RBFOX1: variants seen among roughly 807,000 people sequenced by gnomAD.
RBFOX1 encodes RNA binding fox-1 homolog 1, also known as RNA binding protein fox-1 homolog 1.
A neutral mutation model predicts 57.7 loss-of-function variants in RBFOX1; 8 were observed. The ratio of observed to expected loss-of-function variants is 0.14; its 90% CI spans 0.08 to 0.25. The LOEUF is 0.25. Ranked by LOEUF, RBFOX1 falls within the 10% of genes least tolerant of loss-of-function variation. The probability of loss-of-function intolerance (pLI) is 1.00; values close to 1 mark genes in which losing one functional copy is unlikely to be tolerated. For missense variants in RBFOX1, 611 were observed against 548.5 expected, an observed-to-expected ratio of 1.11 and a Z score of -1.14; for synonymous variants, 326 against 222.4, an observed-to-expected ratio of 1.47 and a Z score of -4.15.
At chr16:6,440,651 A>T (rs2094356928) in intron 2 of RBFOX1, among the ~76,000 whole-genome samples, 1 of 152,068 alleles carries the variant, frequency 6.6e-6, no homozygotes, top group Admixed American at 6.6e-5. Context: ...AAGTACAAAA[A>T]TTAGCTGGGT....
Position 6,085,899 on chromosome 16 carries a change from G to A in RBFOX1, c.-127+65907G>A, listed in dbSNP as rs561243921. ...ACATAGGTAAACGTGTGCTGTGGTG[G>A]TTTGCTGCACCTATTAACCCGTCAC... On this transcript the variant is annotated intron_variant, in intron 1 of 15. Transcript: ENST00000550418. Among the ~76,000 whole-genome samples the A allele has an allele frequency of 1.4e-3, 206 of 152,180 alleles. 1 individual carries two copies. The highest frequency in any genetic ancestry group is 4.8e-3 in the African/African-American group (198 of 41,512).
intron 4 of RBFOX1, among the ~76,000 whole-genome samples, chr16:7,485,536 C>G (rs887949022): frequency 9.9e-5 from 15 of 152,174 alleles, no homozygotes; most frequent in African/African-American, 3.6e-4. Flanking sequence ...GAGGATGTGG[C>G]CTTTGTCTTG....
At chr16:6,948,069 A>G (rs956656501) in intron 3 of RBFOX1, among the ~76,000 whole-genome samples, 8 of 152,254 alleles carry the variant, frequency 5.3e-5, no homozygotes, top group African/African-American at 1.7e-4. Flanking sequence ...ATCAGCCACC[A>G]TGGCCTGGCC....
intron 1 of RBFOX1, among the ~76,000 whole-genome samples, chr16:6,262,473 T>G (rs1053974465): frequency 6.6e-6 from 1 of 152,168 alleles, no homozygotes; most frequent in East Asian, 1.9e-4. Context: ...AATATGACAC[T>G]GTTTGCCTCA....
chr16:5,764,722 T>A (rs553420070), intron 3 of RBFOX1, among the ~76,000 whole-genome samples: 1 of 152,164 alleles, frequency 6.6e-6, no homozygotes, highest in Non-Finnish European at 1.5e-5. Context: ...AAACATAACC[T>A]GAGCTTCAGT....
chr16:5,401,719 T>G (rs773483955), intron 1 of RBFOX1, among the ~76,000 whole-genome samples: 5 of 148,504 alleles, frequency 3.4e-5, no homozygotes, highest in African/African-American at 5.0e-5. Context: ...TGATTTCTTG[T>G]TAGTATTTTC....
chr16:7,179,133 G>A (rs2082212453), intron 4 of RBFOX1, among the ~76,000 whole-genome samples: 2 of 152,064 alleles, frequency 1.3e-5, no homozygotes, highest in South Asian at 2.1e-4. Context: ...GAGGCATCCG[G>A]AGGGGTTAAT....
intron 3 of RBFOX1, among the ~76,000 whole-genome samples, chr16:6,863,541 T>G (rs1380056526): frequency 6.6e-6 from 1 of 151,972 alleles, no homozygotes; most frequent in Non-Finnish European, 1.5e-5. Flanking sequence ...AATTATTTTC[T>G]GGTTACATAG....
chr16:6,516,365 A>G (rs1457859983), intron 2 of RBFOX1, among the ~76,000 whole-genome samples: 4 of 152,218 alleles, frequency 2.6e-5, no homozygotes, highest in Admixed American at 2.6e-4. Flanking sequence ...TGTAAAATGG[A>G]CATAGGCTTC....
intron 3 of RBFOX1, among the ~76,000 whole-genome samples, chr16:6,709,850 C>T (rs991682896): frequency 2.6e-5 from 4 of 152,192 alleles, no homozygotes; most frequent in South Asian, 4.2e-4. Flanking sequence ...GGTACACAAC[C>T]GGAAGGTATG....
At chr16:5,391,226 A>G (rs2066398934) in intron 1 of RBFOX1, among the ~76,000 whole-genome samples, 1 of 152,250 alleles carries the variant, frequency 6.6e-6, no homozygotes, top group Non-Finnish European at 1.5e-5. Flanking sequence ...TAACGGTTTA[A>G]AACAATTCAC....
At chr16:6,222,492 G>A (rs985898673) in intron 1 of RBFOX1, among the ~76,000 whole-genome samples, 1 of 151,712 alleles carries the variant, frequency 6.6e-6, no homozygotes, top group African/African-American at 2.4e-5. Context: ...TGAGGAGAAT[G>A]TCAGGAGGAT....
intron 14 of RBFOX1, among the ~76,000 whole-genome samples, chr16:7,696,912 G>A (rs1276191474): frequency 6.6e-6 from 1 of 152,142 alleles, no homozygotes; most frequent in East Asian, 1.9e-4. Flanking sequence ...AGACATACTT[G>A]AGGTGTCCAG....
intron 3 of RBFOX1, among the ~76,000 whole-genome samples, chr16:6,828,642 A>G (rs1309049842): frequency 6.6e-6 from 1 of 152,050 alleles, no homozygotes; most frequent in Non-Finnish European, 1.5e-5. Flanking sequence ...ATGGTGCTGA[A>G]TTTGACCTAG....
At chr16:7,484,995 C>T (rs750930281) in intron 4 of RBFOX1, among the ~76,000 whole-genome samples, 2 of 152,020 alleles carry the variant, frequency 1.3e-5, no homozygotes, top group East Asian at 3.9e-4. Flanking sequence ...TTTCATAACT[C>T]AGTTGCATTT....
chr16:7,207,099 A>C (rs1567706586), intron 4 of RBFOX1, among the ~76,000 whole-genome samples: 2 of 152,212 alleles, frequency 1.3e-5, no homozygotes, highest in Non-Finnish European at 2.9e-5. Flanking sequence ...TTGGTAACTG[A>C]GGCTTCAAAT....
intron 3 of RBFOX1, among the ~76,000 whole-genome samples, chr16:6,780,410 T>TTATATATATTTA (rs1260316849): frequency 0.54 from 42,638 of 79,054 alleles, 12,475 homozygotes; most frequent in East Asian, 0.82. Flanking sequence ...TTATATATAT[T>TTATATATATTTA]TATATATATT....
At chr16:7,003,243 A>G (rs34690255) in intron 3 of RBFOX1, among the ~76,000 whole-genome samples, 2,348 of 152,062 alleles carry the variant, frequency 0.015, 37 homozygotes, top group Non-Finnish European at 0.024. Context: ...GGTGGATCAC[A>G]AGGTCAGCAG....
chr16:7,109,294 C>G (rs983758028), intron 4 of RBFOX1, among the ~76,000 whole-genome samples: 2 of 152,126 alleles, frequency 1.3e-5, no homozygotes, highest in African/African-American at 2.4e-5. Context: ...TATTCTGTCC[C>G]CCTTCTCCCT....
Sources: allele counts gnomAD v4.1 joint callset (sites outside exome capture counted in the v4.1 genomes callset), GRCh38; gene constraint gnomAD v4.1.1; transcripts MANE v1.5; gene names NCBI Gene and HGNC (gene_info 2026-07-23, HGNC 2026-07-21).